The following TRIO variants were observed in gnomAD, a reference collection of about 807,000 sequenced individuals.
The protein encoded by TRIO is triple functional domain protein.
TRIO carries 58 observed loss-of-function variants against 351.9 expected under a neutral mutation model. The observed-to-expected ratio is 0.16, with a 90% CI of 0.13 to 0.21. TRIO has a LOEUF of 0.21. TRIO is among the 10% of genes least tolerant of loss of function. The probability of loss-of-function intolerance (pLI) is 1.00; values close to 1 mark genes in which losing one functional copy is unlikely to be tolerated. For missense variants in TRIO, 3,201 were observed against 4,027.8 expected (o/e 0.79, Z 5.56); for synonymous variants, 1,758 against 1,595.7 (o/e 1.10, Z -2.42).
At chr5:14,242,506 A>G (rs1794190419) in intron 1 of TRIO, among the ~76,000 whole-genome samples, 1 of 152,206 alleles carries the variant, frequency 6.6e-6, no homozygotes, top group African/African-American at 2.4e-5. Flanking sequence ...TACCAGGCAT[A>G]AAGGAGTTCT....
intron 1 of TRIO, among the ~76,000 whole-genome samples, chr5:14,175,687 A>G (rs540348517): frequency 1.3e-5 from 2 of 152,338 alleles, no homozygotes; most frequent in African/African-American, 2.4e-5. Flanking sequence ...ATTTAAAACT[A>G]GTCACATTGA....
At chr5:14,189,756 G>C (rs1056058010) in intron 1 of TRIO, among the ~76,000 whole-genome samples, 1 of 151,518 alleles carries the variant, frequency 6.6e-6, no homozygotes, top group African/African-American at 2.4e-5. Flanking sequence ...GATGGGGTGA[G>C]GTCTTGCTGT....
intron 34 of TRIO, among the ~76,000 whole-genome samples, chr5:14,460,205 C>T (rs530089798): frequency 1.1e-4 from 17 of 152,276 alleles, no homozygotes; most frequent in South Asian, 1.0e-3. Context: ...CGTGAGCCAC[C>T]GCGCCCGGCC....
chr5:14,449,066 A>AT (rs1180597598), intron 34 of TRIO, among the ~76,000 whole-genome samples: 1 of 152,230 alleles, frequency 6.6e-6, no homozygotes, highest in Non-Finnish European at 1.5e-5. Flanking sequence ...GAAAGATCAC[A>AT]TTAAAAAGTA....
chr5:14,318,989 A>G lies in TRIO; in HGVS notation c.1731+2246A>G, dbSNP rs1304363131. On this transcript the variant is annotated intron_variant, in intron 9 of 56. Transcript: ENST00000344204. Reference sequence around the variant, plus strand: ...TCTCATGCTTAGGTTAGAAAAGGGCACAAGGTAAGGAAGCCCTTGGGAATA... The same window carrying G: ...TCTCATGCTTAGGTTAGAAAAGGGCGCAAGGTAAGGAAGCCCTTGGGAATA... 1.3e-5 allele frequency among the ~76,000 whole-genome samples: 2 copies of G among 152,040 alleles called. 1 individual carries two copies. The highest frequency in any genetic ancestry group is 2.9e-5 in the Non-Finnish European group (2 of 68,012).
rs554525539 is a variant in TRIO, at chr5:14,364,878, T to TCCCGGAAATTCTGACCGACTC, written c.2754+78_2754+79insGACTCCCCGGAAATTCTGACC. The TCCCGGAAATTCTGACCGACTC allele has an allele frequency of 9.6e-4, 1,460 of 1,522,126 alleles. 16 individuals are homozygous for TCCCGGAAATTCTGACCGACTC. The African/African-American group carries it at 0.019, about 19-fold the overall frequency. 94.3% of individuals were successfully genotyped at this position (1,522,126 alleles called of 1,614,324 possible). On this transcript the variant is annotated intron_variant, in intron 15 of 56. Coordinates refer to ENST00000344204, the MANE Select transcript of TRIO (RefSeq NM_007118.4). ...ACAGATGCTTGATACCTCATCGACT[T>TCCCGGAAATTCTGACCGACTC]CCCGGAAATTCTGACCTGTAGCATT...
chr5:14,481,661 T>C, intron 45 of TRIO, 43 bp downstream of exon 45: 1 of 1,599,672 alleles, frequency 6.3e-7, no homozygotes, highest in Non-Finnish European at 8.6e-7. Flanking sequence ...TCTGCCTTCA[T>C]CTCTTTCTTT....
intron 8 of TRIO, among the ~76,000 whole-genome samples, chr5:14,312,305 AC>A (rs2152302532): frequency 6.6e-6 from 1 of 152,370 alleles, no homozygotes; most frequent in South Asian, 2.1e-4. Context: ...TAGTTATACT[AC>A]CTTTTAAATA....
In TRIO at chr5:14,364,781, G is replaced by C. The variant is rs764604909; in HGVS notation, c.2719G>C (p.Val907Leu). 5.6e-6 allele frequency: 9 copies of C among 1,611,772 alleles called. No individual in the cohort carries two copies. Among genetic ancestry groups the C allele is most frequent in the Non-Finnish European group, 7.6e-6 (9 of 1,179,794 alleles). ...GCATCGGAAACACCTGGAGCAGTGC[G>C]TGCAGCTGCGCCACCTGCAGGCAGA... ...EQHRKHLEQC[V>L]QLRHLQAEVK... is the part of the protein sequence containing the mutation. Residue 907 changes from valine to leucine, a missense_variant, in exon 15 of 57, where the codon GTG (valine) becomes CTG (leucine). This residue lies in a region of TRIO where 363 missense variants were observed against 553.5 expected (regional missense o/e 0.66). Coordinates refer to ENST00000344204, the MANE Select transcript of TRIO (RefSeq NM_007118.4).
At chr5:14,435,099 A>G (rs1369234058) in intron 34 of TRIO, among the ~76,000 whole-genome samples, 8 of 152,304 alleles carry the variant, frequency 5.3e-5, no homozygotes, top group Non-Finnish European at 1.2e-4. Context: ...GTGTCGCAGG[A>G]CTTTTCCTTA....
At chr5:14,182,872 C>T (rs957572686) in intron 1 of TRIO, among the ~76,000 whole-genome samples, 1 of 79,110 alleles carries the variant, frequency 1.3e-5, no homozygotes, top group Non-Finnish European at 3.3e-5. Flanking sequence ...ACCCCCCCCC[C>T]TCCACTTTGC....
chr5:14,297,441 T>G (rs1401076839), intron 7 of TRIO, 178 bp downstream of exon 7: 8 of 678,096 alleles, frequency 1.2e-5, no homozygotes, highest in African/African-American at 7.2e-5. Context: ...CTGCGTAACC[T>G]TAGGCAAGTG....
intron 1 of TRIO, among the ~76,000 whole-genome samples, chr5:14,167,121 C>G (rs1788814352): frequency 6.6e-6 from 1 of 150,958 alleles, no homozygotes. Context: ...GAAGAAGCAT[C>G]CATTATCAGG....
intron 1 of TRIO, chr5:14,183,710 C>G (rs1789933702): frequency 5.1e-6 from 2 of 393,132 alleles, no homozygotes; most frequent in South Asian, 7.5e-5. Flanking sequence ...TGGAACAAAA[C>G]TTTCTGTGCT....
At chr5:14,478,818 C>T (rs1000443937) in intron 41 of TRIO, among the ~76,000 whole-genome samples, 6 of 151,542 alleles carry the variant, frequency 4.0e-5, no homozygotes, top group African/African-American at 1.2e-4. Flanking sequence ...AAAAATTAGC[C>T]GGGCATGGTG....
rs994472914 is a variant in TRIO, at chr5:14,477,337, A to G, written c.6153+374A>G. 7 of 163,310 alleles carry G rather than the reference A, an allele frequency of 4.3e-5. No individual in the cohort carries two copies. The Admixed American group carries it at 4.5e-4, about 10-fold the overall frequency. 10.1% of individuals were successfully genotyped at this position (163,310 alleles called of 1,614,324 possible). A position where few individuals can be genotyped will look rare whatever the true frequency, so the allele number is the denominator to read the frequency against. On this transcript the variant is annotated intron_variant, in intron 41 of 56. Transcript: ENST00000344204. ...TGTGGATATCGAAAATAAGCGTATTAACATTAAAGTTTTTTGTTTTTTGGG... is the reference window on the plus strand; with the variant it reads ...TGTGGATATCGAAAATAAGCGTATTGACATTAAAGTTTTTTGTTTTTTGGG...
intron 11 of TRIO, among the ~76,000 whole-genome samples, chr5:14,354,121 A>T (rs544797742): frequency 6.6e-6 from 1 of 152,218 alleles, no homozygotes; most frequent in South Asian, 2.1e-4. Flanking sequence ...CTTCAGGGAG[A>T]GGGCCCAGCG....
At chr5:14,243,967 G>A (rs1794285017) in intron 1 of TRIO, among the ~76,000 whole-genome samples, 1 of 152,232 alleles carries the variant, frequency 6.6e-6, no homozygotes, top group South Asian at 2.1e-4. Flanking sequence ...GCTCCTCTTA[G>A]GGAGGAGTGA....
intron 21 of TRIO, among the ~76,000 whole-genome samples, chr5:14,382,655 A>G (rs1160291776): frequency 6.6e-6 from 1 of 152,196 alleles, no homozygotes; most frequent in Admixed American, 6.5e-5. Flanking sequence ...CCTCCTCCAC[A>G]TACACACCTG....
Sources: gnomAD v4.1 joint callset for allele counts (sites outside exome capture counted in the v4.1 genomes callset) on GRCh38, gnomAD v4.1.1 for gene constraint, gnomAD v4.1.1 regional missense constraint, MANE v1.5 for transcripts, NCBI Gene and HGNC (gene_info 2026-07-23, HGNC 2026-07-21) for gene names.